The following PCDHA7 variants were observed in gnomAD, a reference collection of about 807,000 sequenced individuals.
PCDHA7 encodes the protein protocadherin alpha-7.
PCDHA7 carries 37 observed loss-of-function variants against 57.2 expected under a neutral mutation model. That is an observed-to-expected ratio of 0.65 (90% CI 0.50 to 0.85). The LOEUF (loss-of-function observed/expected upper bound fraction) is 0.85. Among genes scored for constraint, PCDHA7 ranks in the 40% least tolerant of loss-of-function variants. The pLI is 0.00. For missense variants in PCDHA7, 1,188 were observed against 1,241.8 expected (o/e 0.96, Z 0.65); for synonymous variants, 553 against 558.8 (o/e 0.99, Z 0.15).
At chr5:140,904,974 T>C (rs537444148) in intron 1 of PCDHA7, among the ~76,000 whole-genome samples, 97 of 152,356 alleles carry the variant, frequency 6.4e-4, no homozygotes, top group African/African-American at 2.2e-3. Context: ...GTGACTATTT[T>C]CTCCCACTCT....
chr5:140,865,725 A>G (rs1326307411), intron 1 of PCDHA7: 1 of 152,210 alleles, frequency 6.6e-6, no homozygotes, highest in Non-Finnish European at 1.5e-5. Context: ...AGAAGCTGAG[A>G]TGTGTATCTA....
chr5:140,928,643 T>C (rs2085399261), intron 1 of PCDHA7: 7 of 1,614,222 alleles, frequency 4.3e-6, no homozygotes, highest in Non-Finnish European at 5.9e-6. Context: ...ACAAAAGTGG[T>C]AGCAGAGGAT....
At chr5:140,889,347 T>A (rs531486529) in intron 1 of PCDHA7, among the ~76,000 whole-genome samples, 1 of 152,202 alleles carries the variant, frequency 6.6e-6, no homozygotes, top group South Asian at 2.1e-4. Context: ...GTGGGAATAT[T>A]TCTGATTACT....
Position 140,838,081 on chromosome 5 carries a change from T to A in PCDHA7, c.2355+1343T>A, listed in dbSNP as rs1309951624. The stretch of plus-strand genomic sequence containing the variant: ...CACTTTAAGTTATATATATATAGTG[T>A]GTGTGTGTGTGTGTGTGTGTGTGTG... On this transcript the variant is annotated intron_variant, in intron 1 of 3. Coordinates refer to ENST00000525929, the MANE Select transcript of PCDHA7 (RefSeq NM_018910.3). Among the ~76,000 whole-genome samples, 2 of 13,360 alleles carry A rather than the reference T, an allele frequency of 1.5e-4. 1 individual carries two copies. Among genetic ancestry groups the A allele is most frequent in the South Asian group, 5.1e-3 (2 of 390 alleles). 8.8% of individuals were successfully genotyped at this position (13,360 alleles called of 152,430 possible).
intron 3 of PCDHA7, among the ~76,000 whole-genome samples, chr5:141,004,378 G>C (rs914260481): frequency 6.6e-6 from 1 of 152,316 alleles, no homozygotes; most frequent in South Asian, 2.1e-4. Context: ...TCTGCTCTGC[G>C]GAAGCTGGAC....
At chr5:140,945,131 A>C (rs1484443084) in intron 1 of PCDHA7, among the ~76,000 whole-genome samples, 1 of 152,202 alleles carries the variant, frequency 6.6e-6, no homozygotes, top group Non-Finnish European at 1.5e-5. Context: ...CAACTTACAA[A>C]AATCAATAGC....
chr5:140,851,004 AT>A (rs17844337), intron 1 of PCDHA7: 9 of 1,435,010 alleles, frequency 6.3e-6, no homozygotes, highest in Admixed American at 2.7e-5. Context: ...AATCCAGCAG[AT>A]TTTTTTTCTG....
intron 1 of PCDHA7, among the ~76,000 whole-genome samples, chr5:140,959,996 A>T (rs1042631849): frequency 3.3e-5 from 5 of 152,228 alleles, no homozygotes; most frequent in Admixed American, 6.5e-5. Context: ...GATATGAAAT[A>T]CAAATCTATT....
intron 3 of PCDHA7, among the ~76,000 whole-genome samples, chr5:140,988,622 A>G (rs192744779): frequency 6.6e-6 from 1 of 152,242 alleles, no homozygotes; most frequent in East Asian, 1.9e-4. Flanking sequence ...TAGAATGGAG[A>G]TGTCCTGGTT....
intron 1 of PCDHA7, chr5:140,869,690 T>A (rs902099652): frequency 6.2e-7 from 1 of 1,613,456 alleles, no homozygotes. Context: ...TCACTTATTT[T>A]AAAGAAGTCT....
chr5:140,966,699 C>A, intron 1 of PCDHA7: 1 of 1,361,588 alleles, frequency 7.3e-7, no homozygotes, highest in Non-Finnish European at 9.4e-7. Context: ...GGGGCCCGGG[C>A]GTGGGGCACG....
intron 1 of PCDHA7, among the ~76,000 whole-genome samples, chr5:140,900,786 A>C (rs888308882): frequency 2.0e-5 from 3 of 152,152 alleles, no homozygotes; most frequent in African/African-American, 7.2e-5. Flanking sequence ...GAAACTCCAA[A>C]CTGTTCTCCA....
chr5:140,978,841 T>G, intron 1 of PCDHA7, 108 bp from the exon 2 acceptor site: 1 of 1,563,056 alleles, frequency 6.4e-7, no homozygotes, highest in Non-Finnish European at 8.7e-7. Context: ...ATTCAATACT[T>G]TTTTAGATGC....
Position 140,982,562 on chromosome 5 carries a change from A to C in PCDHA7, c.2502A>C (p.Pro834=). ...QQWPTVSSAT[P]EPEAGEVSPP... ...GGCCAACAGTATCCAGTGCAACACCAGGTAAAGAGCTGGGGTCTCTCCATT... is the reference window on the plus strand; with the variant it reads ...GGCCAACAGTATCCAGTGCAACACCCGGTAAAGAGCTGGGGTCTCTCCATT... Residue 834 remains proline, a splice_region_variant and synonymous_variant, in exon 3 of 4, where the codon CCA becomes CCC. Coordinates refer to ENST00000525929, the MANE Select transcript of PCDHA7 (RefSeq NM_018910.3). 3 of 1,614,062 alleles carry C rather than the reference A, an allele frequency of 1.9e-6. No individual in the cohort carries two copies. The highest frequency in any genetic ancestry group is 2.5e-6 in the Non-Finnish European group (3 of 1,179,936).
intron 1 of PCDHA7, chr5:140,871,726 T>A (rs1412265993): frequency 1.3e-6 from 1 of 740,884 alleles, no homozygotes; most frequent in Non-Finnish European, 2.1e-6. Flanking sequence ...CTCTTAATAT[T>A]TGGTTAGCAA....
intron 1 of PCDHA7, among the ~76,000 whole-genome samples, chr5:140,958,932 C>T (rs2095452700): frequency 8.5e-6 from 1 of 118,160 alleles, no homozygotes; most frequent in South Asian, 2.5e-4. Flanking sequence ...GTGGCTCATA[C>T]TTGTAATAAT....
At chr5:140,869,532 G>A (rs917843661) in intron 1 of PCDHA7, 3 of 1,614,130 alleles carry the variant, frequency 1.9e-6, no homozygotes, top group Non-Finnish European at 1.7e-6. Flanking sequence ...TGCTGATTGC[G>A]GAATCTAAGC....
In PCDHA7 at chr5:140,875,869, T is replaced by C. The variant is rs2055890630; in HGVS notation, c.2355+39131T>C. ...GGACATTAACGACAACCCGCCGGTG[T>C]TCAGAGAAAGGGAACAAAAGGTACC... On this transcript the variant is annotated intron_variant, in intron 1 of 3. Coordinates refer to ENST00000525929, the MANE Select transcript of PCDHA7 (RefSeq NM_018910.3). 4.3e-6 allele frequency: 7 copies of C among 1,614,170 alleles called. No individual in the cohort carries two copies. The East Asian group carries it at 1.6e-4, about 36-fold the overall frequency.
chr5:140,850,663 G>C (rs2150492641), intron 1 of PCDHA7: 11 of 1,598,502 alleles, frequency 6.9e-6, no homozygotes, highest in African/African-American at 1.3e-5. Context: ...GTGCTGCGGT[G>C]CTCGGCGATG....
Sources: gnomAD v4.1 joint callset for allele counts (sites outside exome capture counted in the v4.1 genomes callset) on GRCh38, gnomAD v4.1.1 for gene constraint, MANE v1.5 for transcripts, NCBI Gene and HGNC (gene_info 2026-07-23, HGNC 2026-07-21) for gene names.